Variants in FGF1 observed in about 807,000 individuals in gnomAD.
FGF1 encodes fibroblast growth factor 1, also known as beta-endothelial cell growth factor.
FGF1 carries 9 observed loss-of-function variants against 13.4 expected under a neutral mutation model. The observed-to-expected ratio is 0.67, with a 90% CI of 0.40 to 1.17. FGF1 has a LOEUF of 1.17. Ranked by LOEUF, FGF1 falls within the 50% of genes most tolerant of loss-of-function variation. The probability of loss-of-function intolerance (pLI) is 0.01; values close to 1 mark genes in which losing one functional copy is unlikely to be tolerated. For missense variants in FGF1, 156 were observed against 192.7 expected, an observed-to-expected ratio of 0.81 and a Z score of 1.13; for synonymous variants, 93 against 79.0, an observed-to-expected ratio of 1.18 and a Z score of -0.94.
At chr5:142,683,821 CAAAAAA>C (rs768317949) in intron 1 of FGF1, among the ~76,000 whole-genome samples, 2 of 49,748 alleles carry the variant, frequency 4.0e-5, no homozygotes, top group Admixed American at 5.1e-4. Context: ...AACTCTGTCT[CAAAAAA>C]AAAAAAAAAA....
chr5:142,691,028 A>G (rs1210192647), upstream of FGF1, among the ~76,000 whole-genome samples: 1 of 152,050 alleles, frequency 6.6e-6, no homozygotes, highest in Non-Finnish European at 1.5e-5. Context: ...CAGCCTGACC[A>G]CCCGTTCTAA....
At chr5:142,620,845 T>A (rs533045055) in intron 1 of FGF1, among the ~76,000 whole-genome samples, 1 of 152,330 alleles carries the variant, frequency 6.6e-6, no homozygotes, top group Non-Finnish European at 1.5e-5. Flanking sequence ...TACCAGGTCA[T>A]AAGGCAAGAC....
intron 1 of FGF1, among the ~76,000 whole-genome samples, chr5:142,626,406 G>A (rs752793568): frequency 2.6e-5 from 4 of 152,152 alleles, no homozygotes; most frequent in Admixed American, 6.5e-5. Flanking sequence ...TGGCAAAAGC[G>A]CAATTACTTT....
intron 1 of FGF1, among the ~76,000 whole-genome samples, chr5:142,656,499 A>G (rs1768195837): frequency 6.6e-6 from 1 of 152,210 alleles, no homozygotes; most frequent in Non-Finnish European, 1.5e-5. Context: ...AAAACAGCAT[A>G]CTTATGTGTA....
intron 1 of FGF1, among the ~76,000 whole-genome samples, chr5:142,632,489 C>T (rs981799926): frequency 1.3e-5 from 2 of 152,136 alleles, no homozygotes; most frequent in African/African-American, 4.8e-5. Flanking sequence ...ATCAATTCAA[C>T]AAAGCAGGGG....
chr5:142,616,545 A>T (rs953204180), intron 1 of FGF1, among the ~76,000 whole-genome samples: 1 of 152,196 alleles, frequency 6.6e-6, no homozygotes, highest in Non-Finnish European at 1.5e-5. Flanking sequence ...TACCTTGCAT[A>T]GTACAATCTC....
upstream of FGF1, among the ~76,000 whole-genome samples, chr5:142,689,785 G>A (rs1036101827): frequency 5.1e-4 from 71 of 139,150 alleles, no homozygotes; most frequent in Non-Finnish European, 9.2e-4. Flanking sequence ...TGGAAGCTCC[G>A]CCTCCCGAGT....
At chr5:142,687,556 A>G (rs1432597615), upstream of FGF1, among the ~76,000 whole-genome samples, 1 of 152,238 alleles carries the variant, frequency 6.6e-6, no homozygotes, top group East Asian at 1.9e-4. Flanking sequence ...GCTTTAAAAC[A>G]TAATAATCTT....
intron 1 of FGF1, among the ~76,000 whole-genome samples, chr5:142,631,352 A>G (rs779939741): frequency 2.6e-5 from 4 of 152,132 alleles, no homozygotes; most frequent in African/African-American, 7.2e-5. Context: ...TCCACTAACC[A>G]CTTGAAAAAC....
At chr5:142,680,314 A>G (rs1231242678) in intron 1 of FGF1, among the ~76,000 whole-genome samples, 1 of 152,202 alleles carries the variant, frequency 6.6e-6, no homozygotes, top group African/African-American at 2.4e-5. Context: ...AACACCAGAC[A>G]CGTCTTCTGA....
At chr5:142,674,126 G>A (rs1772027393) in intron 1 of FGF1, among the ~76,000 whole-genome samples, 2 of 152,176 alleles carry the variant, frequency 1.3e-5, no homozygotes, top group African/African-American at 4.8e-5. Context: ...TGCTCAGAGA[G>A]GCTCCCCTCC....
intron 2 of FGF1, chr5:142,601,210 G>A (rs190205016): frequency 8.6e-6 from 4 of 464,212 alleles, no homozygotes. Context: ...AGTAGGATCT[G>A]GCCAGCCTGC....
At chr5:142,665,496 C>T (rs1770129634) in intron 1 of FGF1, among the ~76,000 whole-genome samples, 1 of 152,102 alleles carries the variant, frequency 6.6e-6, no homozygotes, top group Admixed American at 6.6e-5. Flanking sequence ...TGACCCAGGA[C>T]CTCCCCCCAA....
chr5:142,633,205 T>G (rs1484135151), intron 1 of FGF1, among the ~76,000 whole-genome samples: 1 of 152,126 alleles, frequency 6.6e-6, no homozygotes, highest in Non-Finnish European at 1.5e-5. Flanking sequence ...TTGTTTACTC[T>G]TTATCACTAT....
intron 1 of FGF1, among the ~76,000 whole-genome samples, chr5:142,649,650 G>A (rs113228681): frequency 0.041 from 6,247 of 151,188 alleles, 200 homozygotes; most frequent in South Asian, 0.11. Flanking sequence ...CTCATGATCC[G>A]CCCACCTCAG....
chr5:142,674,262 CTCTA>C (rs1327778702), intron 1 of FGF1, among the ~76,000 whole-genome samples: 3 of 152,194 alleles, frequency 2.0e-5, no homozygotes, highest in Non-Finnish European at 4.4e-5. Context: ...GTGTGTTATG[CTCTA>C]TCTGTCACCC....
chr5:142,662,014 A>C (rs1769340984), intron 1 of FGF1, among the ~76,000 whole-genome samples: 1 of 152,070 alleles, frequency 6.6e-6, no homozygotes, highest in Admixed American at 6.6e-5. Flanking sequence ...AAAACAAAAA[A>C]CAAAAAACAC....
chr5:142,646,982 G>A (rs752409653), intron 1 of FGF1, among the ~76,000 whole-genome samples: 2 of 152,178 alleles, frequency 1.3e-5, no homozygotes, highest in Admixed American at 6.5e-5. Context: ...GTCATAAAAC[G>A]ATCAGGGCTC....
intron 1 of FGF1, among the ~76,000 whole-genome samples, chr5:142,648,732 G>GGAAT (rs1355632157): frequency 2.3e-4 from 34 of 150,096 alleles, no homozygotes; most frequent in African/African-American, 8.1e-4. Context: ...GTCTTGAGGA[G>GGAAT]GAATGGAGAG....
Sources: gnomAD v4.1 joint callset for allele counts (sites outside exome capture counted in the v4.1 genomes callset) on GRCh38, gnomAD v4.1.1 for gene constraint, MANE v1.5 for transcripts, NCBI Gene and HGNC (gene_info 2026-07-23, HGNC 2026-07-21) for gene names.